Variants in ABCA3 observed in about 807,000 individuals in gnomAD.
The protein encoded by ABCA3 is phospholipid-transporting ATPase ABCA3.
A neutral mutation model predicts 172.8 loss-of-function variants in ABCA3; 88 were observed. The observed-to-expected ratio is 0.51, with a 90% CI of 0.43 to 0.61. The LOEUF (loss-of-function observed/expected upper bound fraction) is 0.61, where lower values mean the gene tolerates loss of function less well. Among genes scored for constraint, ABCA3 ranks in the 20% least tolerant of loss-of-function variants. The pLI is 0.00. For synonymous variants in ABCA3, 1,066 were observed against 983.8 expected (o/e 1.08, Z -1.56); for missense variants, 2,164 against 2,301.0 (o/e 0.94, Z 1.22).
At chr16:2,310,340 G>T (rs8055599) in intron 10 of ABCA3, among the ~76,000 whole-genome samples, 1 of 151,784 alleles carries the variant, frequency 6.6e-6, no homozygotes, top group African/African-American at 2.4e-5. Flanking sequence ...CCCGGGAGGT[G>T]GAGGTTGCAG....
chr16:2,300,007 T>TGG lies in ABCA3; in HGVS notation c.1607_1608dup (p.Lys537ProfsTer17). The TGG allele has an allele frequency of 1.2e-6, 2 of 1,613,062 alleles. No homozygotes were observed. The highest frequency in any genetic ancestry group is 1.7e-6 in the Non-Finnish European group (2 of 1,179,950). ...CCTGTCCCCACAGGAGGCGGCACCT[T>TGG]GGACAGGTGCTTGATCTTGATCCCC... On this transcript the variant is annotated frameshift_variant, in exon 13 of 33. Transcript: ENST00000301732. LOFTEE classifies it high-confidence loss of function.
At position 2,316,071 on chromosome 16, in the gene ABCA3, C is replaced by A. The variant is rs373929360; in HGVS notation, c.1111+1212G>T. Among the ~76,000 whole-genome samples, 51 of 140,186 alleles carry A rather than the reference C, an allele frequency of 3.6e-4. 1 individual carries two copies. The South Asian group carries it at 0.011, about 29-fold the overall frequency. 92.0% of individuals were successfully genotyped at this position (140,186 alleles called of 152,430 possible). A position where few individuals can be genotyped will look rare whatever the true frequency, so the allele number is the denominator to read the frequency against. On this transcript the variant is annotated intron_variant, in intron 10 of 32. Coordinates refer to ENST00000301732, the MANE Select transcript of ABCA3 (RefSeq NM_001089.3). ...GTGGCTCACACCTGTAATCCCAATGCTTTGGGAGGCTGAGGTAGGAGGATC... is the reference window on the plus strand; with the variant it reads ...GTGGCTCACACCTGTAATCCCAATGATTTGGGAGGCTGAGGTAGGAGGATC...
In ABCA3 at chr16:2,314,244, T is replaced by G. The variant is rs564596736; in HGVS notation, c.1111+3039A>C. On this transcript the variant is annotated intron_variant, in intron 10 of 32. Coordinates refer to ENST00000301732, the MANE Select transcript of ABCA3 (RefSeq NM_001089.3). ...AAGAGTCTGTCAATGGATGAACAAG[T>G]AAACAAAATGTGGCCCCATCTACAT... Among the ~76,000 whole-genome samples the G allele has an allele frequency of 9.3e-5, 13 of 139,702 alleles. No individual in the cohort carries two copies. The South Asian group carries it at 2.9e-3, about 31-fold the overall frequency. The allele number at this position is 139,702 out of a possible 152,430, so 91.6% of individuals were successfully genotyped here.
At chr16:2,280,881 T>G in intron 28 of ABCA3, 146 bp downstream of exon 28, 1 of 1,064,330 alleles carries the variant, frequency 9.4e-7, no homozygotes, top group Non-Finnish European at 1.4e-6. Flanking sequence ...TTACCTTGTC[T>G]CGCTGTCCAG....
rs896019755 is a variant in ABCA3, at chr16:2,284,149, C to T, written c.3862+130G>A. Reference sequence around the variant, plus strand: ...GGCTGCTGTGGGAGGTGGGGCAAGGCGGTACAGAGGAACGCACCAGCCCCA... The same window carrying T: ...GGCTGCTGTGGGAGGTGGGGCAAGGTGGTACAGAGGAACGCACCAGCCCCA... On this transcript the variant is annotated intron_variant, in intron 25 of 32. Coordinates refer to ENST00000301732, the MANE Select transcript of ABCA3 (RefSeq NM_001089.3). This position sits in a 1 kb window ranked among gnomAD's most constrained non-coding sequence, Gnocchi z 5.9. 18 of 1,196,176 alleles carry T rather than the reference C, an allele frequency of 1.5e-5. No individual in the cohort carries two copies. Among genetic ancestry groups the T allele is most frequent in the East Asian group, 5.2e-5 (2 of 38,556 alleles). 74.1% of individuals were successfully genotyped at this position (1,196,176 alleles called of 1,614,324 possible).
At chr16:2,317,797 C>A (rs2093718851) in intron 8 of ABCA3, 33 bp from the exon 9 acceptor site, 1 of 1,593,852 alleles carries the variant, frequency 6.3e-7, no homozygotes, top group Non-Finnish European at 8.6e-7. Context: ...TGCTGGGGGC[C>A]CGTCACTGCC....
chr16:2,336,597 ATTTTTTTTT>A (rs11284766), intron 1 of ABCA3, among the ~76,000 whole-genome samples: 2 of 101,330 alleles, frequency 2.0e-5, no homozygotes, highest in African/African-American at 8.4e-5. Context: ...CGCCCAGCTA[ATTTTTTTTT>A]TTTTTTTTTT....
chr16:2,334,948 C>A (rs1461133039), intron 1 of ABCA3, among the ~76,000 whole-genome samples: 4 of 151,522 alleles, frequency 2.6e-5, no homozygotes, highest in Admixed American at 2.6e-4. Flanking sequence ...CCTGCCTCAG[C>A]GACCTGAGTG....
Position 2,292,989 on chromosome 16 carries a change from C to T in ABCA3, c.2415-751G>A, listed in dbSNP as rs182445464. Among the ~76,000 whole-genome samples, 29 of 152,282 alleles carry T rather than the reference C, an allele frequency of 1.9e-4. 1 individual carries two copies. The East Asian group carries it at 5.4e-3, about 28-fold the overall frequency. ...AACTAAACTAAACTAAAATGAATCA[C>T]CCCCCTAATCCCCCTATAGAATGGG... On this transcript the variant is annotated intron_variant, in intron 18 of 32. Coordinates refer to ENST00000301732, the MANE Select transcript of ABCA3 (RefSeq NM_001089.3).
In ABCA3 at chr16:2,328,692, C is replaced by T. The variant is rs1459875048; in HGVS notation, c.-266G>A. 7 of 374,582 alleles carry T rather than the reference C, an allele frequency of 1.9e-5. No homozygotes were observed. The highest frequency in any genetic ancestry group is 3.2e-5 in the Non-Finnish European group (6 of 184,800). 23.2% of individuals were successfully genotyped at this position (374,582 alleles called of 1,614,324 possible). A position where few individuals can be genotyped will look rare whatever the true frequency, so the allele number is the denominator to read the frequency against. On this transcript the variant is annotated 5_prime_UTR_variant, in exon 3 of 33. Transcript: ENST00000301732. ...CTTCCCGCTCAGCGTCCTTCATGTG[C>T]GGAAAAGCCTCCTTGACTCACAGTG...
rs1489385691 is a variant in ABCA3, at chr16:2,284,313, G to T, written c.3828C>A (p.Ser1276=). Reference sequence around the variant, plus strand: ...TGCAGTAGTGGGCGGCGACCTCGGAGGAGGTGCAGTACCTCCGCGTCTCGT... The same window carrying T: ...TGCAGTAGTGGGCGGCGACCTCGGATGAGGTGCAGTACCTCCGCGTCTCGT... ...ENYETRRYCT[S]SEVAAHYCKK... The change falls in exon 25 of 33, where the codon TCC becomes TCA. Residue 1276 remains serine, a synonymous_variant. Coordinates refer to ENST00000301732, the MANE Select transcript of ABCA3 (RefSeq NM_001089.3). This position sits in a 1 kb window ranked among gnomAD's most constrained non-coding sequence, Gnocchi z 5.9. 12 of 1,613,714 alleles carry T rather than the reference G, an allele frequency of 7.4e-6. No individual in the cohort carries two copies. The highest frequency in any genetic ancestry group is 1.3e-5 in the African/African-American group (1 of 74,920).
chr16:2,305,748 T>C (rs966951089), intron 11 of ABCA3, among the ~76,000 whole-genome samples: 1 of 152,158 alleles, frequency 6.6e-6, no homozygotes, highest in East Asian at 1.9e-4. Flanking sequence ...TTTTTACATT[T>C]TAATTTTGTA....
chr16:2,300,845 G>A (rs114846263), intron 12 of ABCA3, among the ~76,000 whole-genome samples: 2,274 of 152,318 alleles, frequency 0.015, 52 homozygotes, highest in African/African-American at 0.051. Flanking sequence ...CACGCCCAGT[G>A]CACTTCCAGC....
intron 11 of ABCA3, among the ~76,000 whole-genome samples, chr16:2,307,675 A>C (rs563857203): frequency 6.6e-6 from 1 of 152,178 alleles, no homozygotes; most frequent in East Asian, 1.9e-4. Context: ...GTGCGATCTC[A>C]GCTCACTGCA....
At position 2,324,515 on chromosome 16, in the gene ABCA3, G is replaced by A. The variant is rs138952710; in HGVS notation, c.336C>T (p.Ser112=). The change falls in exon 6 of 33, where the codon TCC becomes TCT. Residue 112 remains serine, a synonymous_variant. Transcript: ENST00000301732. ...VINMRVRGFP[S]EKDFEDYIRY... is the part of the protein sequence containing the mutation. ...TAATGTAGTCCTCAAAGTCCTTCTC[G>A]GAGGGAAAGCCGCGCACTGCAAAGA... is the stretch of plus-strand genomic sequence containing the variant. 23 of 1,610,406 alleles carry A rather than the reference G, an allele frequency of 1.4e-5. No individual in the cohort carries two copies. Among genetic ancestry groups the A allele is most frequent in the African/African-American group, 1.1e-4 (8 of 75,008 alleles).
intron 28 of ABCA3, 102 bp downstream of exon 28, chr16:2,280,925 G>A (rs1310735432): frequency 6.8e-7 from 1 of 1,474,428 alleles, no homozygotes. Flanking sequence ...AGCCACAGAT[G>A]CAGCAGCTGT....
Position 2,279,363 on chromosome 16 carries a change from GC to G in ABCA3, c.4360-234del, listed in dbSNP as rs1454979511. Among the ~76,000 whole-genome samples, 1 of 152,236 alleles carries G rather than the reference GC, an allele frequency of 6.6e-6. No homozygotes were observed. The highest frequency in any genetic ancestry group is 1.5e-5 in the Non-Finnish European group (1 of 68,036). ...TGCCTGGTGCAGGGAGGCTTCCAGA[GC>G]TGCTCTCAGAGCCTGGTCCAGGACA... On this transcript the variant is annotated intron_variant, in intron 28 of 32. Coordinates refer to ENST00000301732, the MANE Select transcript of ABCA3 (RefSeq NM_001089.3). The surrounding 1 kb of genome is among the most constrained non-coding windows in gnomAD (Gnocchi z 4.4).
chr16:2,276,666 G>T lies in ABCA3; in HGVS notation c.*8C>A. On this transcript the variant is annotated 3_prime_UTR_variant, in exon 33 of 33. Transcript: ENST00000301732. ...GTCCCTGCCTGATGGCGAGACAGCC[G>T]CCACCCCTCATCGCCCCTCCTCTGC... 1 of 1,612,502 alleles carries T rather than the reference G, an allele frequency of 6.2e-7. No individual in the cohort carries two copies. Among genetic ancestry groups the T allele is most frequent in the Non-Finnish European group, 8.5e-7 (1 of 1,179,942 alleles).
At position 2,285,127 on chromosome 16, in the gene ABCA3, C is replaced by T. The variant is rs2093660895; in HGVS notation, c.3484-129G>A. On this transcript the variant is annotated intron_variant, in intron 23 of 32. Coordinates refer to ENST00000301732, the MANE Select transcript of ABCA3 (RefSeq NM_001089.3). This position sits in a 1 kb window ranked among gnomAD's most constrained non-coding sequence, Gnocchi z 4.7. ...GTCAGCTGGCCCATGTCCATCAGCC[C>T]CACAGGCCACGTCTGGCCCCCGCGG... 9.3e-7 allele frequency: 1 copy of T among 1,080,814 alleles called. No individual in the cohort carries two copies. The highest frequency in any genetic ancestry group is 1.4e-6 in the Non-Finnish European group (1 of 734,110). 67.0% of individuals were successfully genotyped at this position (1,080,814 alleles called of 1,614,324 possible).
Sources: allele counts gnomAD v4.1 joint callset (sites outside exome capture counted in the v4.1 genomes callset), GRCh38; gene constraint gnomAD v4.1.1; non-coding constraint Gnocchi (gnomAD v3.1); transcripts MANE v1.5; gene names NCBI Gene and HGNC (gene_info 2026-07-23, HGNC 2026-07-21).